The following EEPD1 variants were observed in gnomAD, a reference collection of about 807,000 sequenced individuals.
EEPD1 encodes endonuclease/exonuclease/phosphatase family domain-containing protein 1.
In EEPD1, 17 loss-of-function variants were observed where a neutral mutation model predicts 46.3. That is an observed-to-expected ratio of 0.37 (90% CI 0.25 to 0.55). EEPD1 has a LOEUF of 0.55. Among genes scored for constraint, EEPD1 ranks in the 20% least tolerant of loss-of-function variants. The pLI is 0.83. For synonymous variants in EEPD1, 313 were observed against 315.6 expected, an observed-to-expected ratio of 0.99 and a Z score of 0.09; for missense variants, 673 against 745.6, an observed-to-expected ratio of 0.90 and a Z score of 1.13.
intron 3 of EEPD1, among the ~76,000 whole-genome samples, chr7:36,252,324 C>T (rs549302020): frequency 2.0e-5 from 3 of 152,190 alleles, no homozygotes; most frequent in African/African-American, 4.8e-5. Flanking sequence ...TTTATTCTGG[C>T]GGTGAAGAAT....
chr7:36,277,141 T>C (rs186420942), intron 3 of EEPD1, among the ~76,000 whole-genome samples: 6 of 152,356 alleles, frequency 3.9e-5, no homozygotes, highest in African/African-American at 1.4e-4. Context: ...GAGCCAAAGA[T>C]TCAGTAGAGG....
intron 3 of EEPD1, among the ~76,000 whole-genome samples, chr7:36,262,598 G>A (rs1485971791): frequency 6.6e-6 from 1 of 152,182 alleles, no homozygotes; most frequent in Non-Finnish European, 1.5e-5. Context: ...TCTTGGAGTG[G>A]ACTGTCCTCA....
rs118110915 is a variant in EEPD1, at chr7:36,262,785, C to A, written c.931-18330C>A. Among the ~76,000 whole-genome samples the A allele has an allele frequency of 3.0e-4, 46 of 152,260 alleles. 1 individual carries two copies. The East Asian group carries it at 8.5e-3, about 28-fold the overall frequency. On this transcript the variant is annotated intron_variant, in intron 3 of 7. Coordinates refer to ENST00000242108, the MANE Select transcript of EEPD1 (RefSeq NM_030636.3). ...AGTACACATGCTTGAGCCCACTCAC[C>A]CAACTCCTGAGATCTTATGGGGAAG... is the stretch of plus-strand genomic sequence containing the variant.
rs189868072 is a variant in EEPD1 at position 36,237,111 on chromosome 7, G to A, written c.879-1874G>A. Reference sequence around the variant, plus strand: ...AGGAACGAACAACTCCACACGCGCCGCCTTTATGAACTGTAACACTCACCG... The same window carrying A: ...AGGAACGAACAACTCCACACGCGCCACCTTTATGAACTGTAACACTCACCG... On this transcript the variant is annotated intron_variant, in intron 2 of 7. Coordinates refer to ENST00000242108, the MANE Select transcript of EEPD1 (RefSeq NM_030636.3). 2.0e-3 allele frequency among the ~76,000 whole-genome samples: 306 copies of A among 152,248 alleles called. 1 individual carries two copies. The highest frequency in any genetic ancestry group is 6.6e-3 in the African/African-American group (276 of 41,534).
chr7:36,265,281 TGA>T (rs1786995920), intron 3 of EEPD1, among the ~76,000 whole-genome samples: 1 of 152,160 alleles, frequency 6.6e-6, no homozygotes, highest in African/African-American at 2.4e-5. Flanking sequence ...AGAGCCCGCC[TGA>T]GAGTGAACTA....
At position 36,243,805 on chromosome 7, in the gene EEPD1, C is replaced by A. The variant is rs371408075; in HGVS notation, c.930+4769C>A. 3.0e-3 allele frequency among the ~76,000 whole-genome samples: 453 copies of A among 151,172 alleles called. 5 individuals are homozygous for A. Among genetic ancestry groups the A allele is most frequent in the African/African-American group, 0.01 (417 of 41,072 alleles). On this transcript the variant is annotated intron_variant, in intron 3 of 7. Transcript: ENST00000242108. Reference sequence around the variant, plus strand: ...AGTAAACTATCGCAAGGACAAAAAACCAAACACCGCATGTTCTCACTCATA... The same window carrying A: ...AGTAAACTATCGCAAGGACAAAAAAACAAACACCGCATGTTCTCACTCATA...
intron 6 of EEPD1, among the ~76,000 whole-genome samples, chr7:36,292,438 T>A (rs1477969732): frequency 6.6e-6 from 1 of 151,824 alleles, no homozygotes; most frequent in Admixed American, 6.6e-5. Context: ...TTTCTCTCTC[T>A]CTGTCTCTCC....
At chr7:36,237,268 C>T (rs983897456) in intron 2 of EEPD1, among the ~76,000 whole-genome samples, 4 of 152,170 alleles carry the variant, frequency 2.6e-5, no homozygotes, top group African/African-American at 7.2e-5. Context: ...TAACACTCAC[C>T]GCGAGGTTCC....
rs140424430 is a variant in EEPD1 at position 36,293,272 on chromosome 7, A to G, written c.1316-3721A>G. 1.5e-3 allele frequency among the ~76,000 whole-genome samples: 226 copies of G among 152,268 alleles called. 1 individual carries two copies. The highest frequency in any genetic ancestry group is 3.5e-3 in the South Asian group (17 of 4,820). On this transcript the variant is annotated intron_variant, in intron 6 of 7. Coordinates refer to ENST00000242108, the MANE Select transcript of EEPD1 (RefSeq NM_030636.3). ...CTTCAATCAATGGAGAAACATGGCA[A>G]AGTGTTCTTGGGTGAGACGTGTTAA...
intron 2 of EEPD1, among the ~76,000 whole-genome samples, chr7:36,221,876 G>A (rs1183205808): frequency 1.5e-4 from 23 of 152,134 alleles, no homozygotes; most frequent in Admixed American, 1.5e-3. Flanking sequence ...TCCAATCTCT[G>A]ATCAAATGCC....
intron 3 of EEPD1, among the ~76,000 whole-genome samples, chr7:36,263,644 C>T (rs1786967000): frequency 6.6e-6 from 1 of 152,200 alleles, no homozygotes; most frequent in South Asian, 2.1e-4. Flanking sequence ...GAAGATGTCA[C>T]GTTCTGGGTT....
intron 4 of EEPD1, among the ~76,000 whole-genome samples, chr7:36,283,616 G>T (rs558308237): frequency 1.3e-5 from 2 of 152,286 alleles, no homozygotes; most frequent in Admixed American, 6.5e-5. Context: ...TGAGGCCCAG[G>T]TCTTCTCGTT....
intron 2 of EEPD1, among the ~76,000 whole-genome samples, chr7:36,221,236 GGAGCTCT>G (rs1351172584): frequency 1.3e-5 from 2 of 152,090 alleles, no homozygotes; most frequent in Admixed American, 1.3e-4. Flanking sequence ...CTTATCTTTT[GGAGCTCT>G]GTTCCGTATC....
chr7:36,293,425 A>T (rs1162431171), intron 6 of EEPD1, among the ~76,000 whole-genome samples: 1 of 152,158 alleles, frequency 6.6e-6, no homozygotes, highest in East Asian at 1.9e-4. Context: ...GAGCTTCAGG[A>T]AATGCTGAAG....
At chr7:36,181,441 G>A (rs990082669) in intron 2 of EEPD1, among the ~76,000 whole-genome samples, 1 of 152,148 alleles carries the variant, frequency 6.6e-6, no homozygotes, top group Non-Finnish European at 1.5e-5. Context: ...CTTAAGACAA[G>A]CGATTATATC....
At chr7:36,195,674 A>C (rs1014658504) in intron 2 of EEPD1, among the ~76,000 whole-genome samples, 1 of 152,150 alleles carries the variant, frequency 6.6e-6, no homozygotes, top group African/African-American at 2.4e-5. Context: ...AGTTCAGGAG[A>C]TCTCTTGTAC....
At chr7:36,256,649 C>CT (rs944627858) in intron 3 of EEPD1, among the ~76,000 whole-genome samples, 13 of 150,966 alleles carry the variant, frequency 8.6e-5, no homozygotes, top group East Asian at 7.8e-4. Context: ...TCAACCTCTG[C>CT]TTTTTTTTTG....
rs572295120 is a variant in EEPD1, at chr7:36,246,529, A to G, written c.930+7493A>G. On this transcript the variant is annotated intron_variant, in intron 3 of 7. Coordinates refer to ENST00000242108, the MANE Select transcript of EEPD1 (RefSeq NM_030636.3). Reference sequence around the variant, plus strand: ...CTAATTAGCTGCTGCTGTGGTCGTCATCATCATCATCACTGGCATCTCGTC... The same window carrying G: ...CTAATTAGCTGCTGCTGTGGTCGTCGTCATCATCATCACTGGCATCTCGTC... Among the ~76,000 whole-genome samples the G allele has an allele frequency of 2.4e-4, 37 of 152,296 alleles. No homozygotes were observed. In the East Asian group the frequency reaches 5.4e-3, roughly 22 times the overall value.
intron 3 of EEPD1, among the ~76,000 whole-genome samples, chr7:36,240,784 A>G (rs1325041225): frequency 2.0e-5 from 3 of 151,930 alleles, no homozygotes; most frequent in Non-Finnish European, 4.4e-5. Flanking sequence ...CTGGAAGAAA[A>G]TTTTTCCGCA....
Sources: allele counts gnomAD v4.1 joint callset (sites outside exome capture counted in the v4.1 genomes callset), GRCh38; gene constraint gnomAD v4.1.1; transcripts MANE v1.5; gene names NCBI Gene and HGNC (gene_info 2026-07-23, HGNC 2026-07-21).